The following MTHFD2L variants were observed in gnomAD, a reference collection of about 807,000 sequenced individuals.
The protein encoded by MTHFD2L is bifunctional methylenetetrahydrofolate dehydrogenase/cyclohydrolase 2, mitochondrial.
Under a neutral mutation model 34.9 loss-of-function variants are expected in MTHFD2L, and 29 were observed. The ratio of observed to expected loss-of-function variants is 0.83; its 90% CI spans 0.62 to 1.13. The LOEUF (loss-of-function observed/expected upper bound fraction) is 1.13, where lower values mean the gene tolerates loss of function less well. MTHFD2L is among the 50% of genes most tolerant of loss of function. The pLI is 0.00. For synonymous variants in MTHFD2L, 167 were observed against 155.7 expected (o/e 1.07, Z -0.54); for missense variants, 481 against 446.5 (o/e 1.08, Z -0.70).
chr4:74,298,407 A>G (rs1749886566), intron 7 of MTHFD2L, among the ~76,000 whole-genome samples: 1 of 152,078 alleles, frequency 6.6e-6, no homozygotes. Flanking sequence ...GAAGTATGCA[A>G]AAATGCAGAC....
chr4:74,176,692 A>G (rs1272690628), intron 3 of MTHFD2L, among the ~76,000 whole-genome samples: 1 of 152,008 alleles, frequency 6.6e-6, no homozygotes, highest in East Asian at 1.9e-4. Flanking sequence ...AATTACTATG[A>G]AATTTGAAAT....
intron 7 of MTHFD2L, among the ~76,000 whole-genome samples, chr4:74,290,760 A>T (rs1748792047): frequency 6.6e-6 from 1 of 151,546 alleles, no homozygotes; most frequent in African/African-American, 2.4e-5. Context: ...CATCCTCCTC[A>T]TTACTTTTCT....
chr4:74,291,563 T>C (rs1451699316), intron 7 of MTHFD2L, among the ~76,000 whole-genome samples: 1 of 152,232 alleles, frequency 6.6e-6, no homozygotes, highest in Non-Finnish European at 1.5e-5. Context: ...ACTCAGCACA[T>C]ATTTTGTGAG....
chr4:74,238,854 A>T (rs1270991076), intron 6 of MTHFD2L, among the ~76,000 whole-genome samples: 2 of 152,212 alleles, frequency 1.3e-5, no homozygotes, highest in African/African-American at 4.8e-5. Context: ...GCTGGAGAGG[A>T]TGTGGAGAAA....
chr4:74,204,821 A>G (rs1408030996), intron 5 of MTHFD2L, among the ~76,000 whole-genome samples: 1 of 152,148 alleles, frequency 6.6e-6, no homozygotes, highest in Non-Finnish European at 1.5e-5. Flanking sequence ...ATGCATACAT[A>G]TGCAGTAAAA....
In MTHFD2L at chr4:74,201,421, T is replaced by C. The variant is rs368638617; in HGVS notation, c.712+51T>C. 4.1e-4 allele frequency: 557 copies of C among 1,351,820 alleles called. 3 individuals are homozygous for C. The African/African-American group carries it at 7.0e-3, about 17-fold the overall frequency. 83.7% of individuals were successfully genotyped at this position (1,351,820 alleles called of 1,614,324 possible). A position where few individuals can be genotyped will look rare whatever the true frequency, so the allele number is the denominator to read the frequency against. The stretch of plus-strand genomic sequence containing the variant: ...ACTCTCTCGCAGTATTCTTACTTCT[T>C]ACATCATCAAGTAAACACTTTTGAT... On this transcript the variant is annotated intron_variant, in intron 5 of 7. Transcript: ENST00000325278.
intron 7 of MTHFD2L, among the ~76,000 whole-genome samples, chr4:74,296,541 C>T (rs1578756753): frequency 6.6e-6 from 1 of 152,118 alleles, no homozygotes; most frequent in South Asian, 2.1e-4. Flanking sequence ...AAACCGTTTG[C>T]ACATTGGGGT....
intron 1 of MTHFD2L, among the ~76,000 whole-genome samples, chr4:74,136,596 T>C (rs1722950605): frequency 6.6e-6 from 1 of 152,094 alleles, no homozygotes; most frequent in Admixed American, 6.6e-5. Flanking sequence ...AAAATTCCAA[T>C]GACATTCTTC....
At chr4:74,222,966 T>C (rs1738472199) in intron 5 of MTHFD2L, among the ~76,000 whole-genome samples, 1 of 152,038 alleles carries the variant, frequency 6.6e-6, no homozygotes, top group Admixed American at 6.6e-5. Context: ...GGAAAAAGAA[T>C]GTTTATACAT....
intron 5 of MTHFD2L, among the ~76,000 whole-genome samples, chr4:74,223,406 A>T (rs1738578322): frequency 6.6e-6 from 1 of 152,062 alleles, no homozygotes; most frequent in Admixed American, 6.6e-5. Flanking sequence ...TATAAGTAGG[A>T]GCTAAATGAT....
chr4:74,184,092 G>A (rs190726549), intron 3 of MTHFD2L, among the ~76,000 whole-genome samples: 4 of 152,144 alleles, frequency 2.6e-5, no homozygotes, highest in African/African-American at 9.6e-5. Context: ...TAGCTAATAA[G>A]CCAACAGATA....
intron 6 of MTHFD2L, among the ~76,000 whole-genome samples, chr4:74,231,296 C>T (rs567381081): frequency 7.9e-5 from 12 of 152,218 alleles, no homozygotes; most frequent in East Asian, 1.9e-4. Flanking sequence ...GGTTTTCCCC[C>T]GGGTGTATTT....
chr4:74,215,981 G>T (rs1290944449), intron 5 of MTHFD2L, among the ~76,000 whole-genome samples: 4 of 151,356 alleles, frequency 2.6e-5, no homozygotes, highest in Non-Finnish European at 5.9e-5. Context: ...AAAAAAAAAT[G>T]ACAGTTATCC....
Position 74,301,860 on chromosome 4 carries a change from C to T in MTHFD2L, c.*51C>T. 8.3e-7 allele frequency: 1 copy of T among 1,201,580 alleles called. No homozygotes were observed. Among genetic ancestry groups the T allele is most frequent in the Non-Finnish European group, 1.2e-6 (1 of 831,988 alleles). 74.4% of individuals were successfully genotyped at this position (1,201,580 alleles called of 1,614,324 possible). On this transcript the variant is annotated 3_prime_UTR_variant, in exon 8 of 8. Coordinates refer to ENST00000325278, the MANE Select transcript of MTHFD2L (RefSeq NM_001144978.3). ...GAAGTCATGCTATTTGTTTATTTGA[C>T]AAAGGGTAAAACCTTTATATTTTAC...
chr4:74,246,965 CT>C (rs1213811884), intron 6 of MTHFD2L, among the ~76,000 whole-genome samples: 8 of 151,886 alleles, frequency 5.3e-5, no homozygotes, highest in African/African-American at 1.9e-4. Flanking sequence ...GATGCGGCCT[CT>C]TTTTTGGTTC....
intron 6 of MTHFD2L, among the ~76,000 whole-genome samples, chr4:74,272,444 T>C (rs1405508945): frequency 6.6e-6 from 1 of 152,176 alleles, no homozygotes; most frequent in Non-Finnish European, 1.5e-5. Flanking sequence ...AATTTAAGGG[T>C]AAAATGAGAA....
At position 74,301,879 on chromosome 4, in the gene MTHFD2L, A is replaced by G. The variant is rs1304249537; in HGVS notation, c.*70A>G. ...ATTTGACAAAGGGTAAAACCTTTAT[A>G]TTTTACTACAAAGCTATTTATTTCT... On this transcript the variant is annotated 3_prime_UTR_variant, in exon 8 of 8. Coordinates refer to ENST00000325278, the MANE Select transcript of MTHFD2L (RefSeq NM_001144978.3). The G allele has an allele frequency of 6.0e-6, 5 of 835,462 alleles. No homozygotes were observed. The highest frequency in any genetic ancestry group is 9.2e-6 in the Non-Finnish European group (5 of 543,370). 51.8% of individuals were successfully genotyped at this position (835,462 alleles called of 1,614,324 possible).
At chr4:74,137,143 G>T (rs1471545397) in intron 1 of MTHFD2L, among the ~76,000 whole-genome samples, 1 of 152,028 alleles carries the variant, frequency 6.6e-6, no homozygotes, top group Admixed American at 6.6e-5. Flanking sequence ...TAAAACTTTT[G>T]AATAGCAAAG....
chr4:74,241,538 T>C (rs4694184), intron 6 of MTHFD2L: 304,269 of 436,258 alleles, frequency 0.7, 110,716 homozygotes, highest in Non-Finnish European at 0.77. Flanking sequence ...CACACCACCA[T>C]GCGTAGCTAA....
Sources: allele counts gnomAD v4.1 joint callset (sites outside exome capture counted in the v4.1 genomes callset), GRCh38; gene constraint gnomAD v4.1.1; transcripts MANE v1.5; gene names NCBI Gene and HGNC (gene_info 2026-07-23, HGNC 2026-07-21).